Variants in TNS4 observed in about 807,000 individuals in gnomAD.
The protein encoded by TNS4 is tensin 4.
In TNS4, 46 loss-of-function variants were observed where a neutral mutation model predicts 70.4. That is an observed-to-expected ratio of 0.65 (90% CI 0.52 to 0.84). The LOEUF (loss-of-function observed/expected upper bound fraction) is 0.84, where lower values mean the gene tolerates loss of function less well. TNS4 is among the 40% of genes least tolerant of loss of function. The pLI, the probability that TNS4 is intolerant of heterozygous loss-of-function variation, is 0.00. For missense variants in TNS4, 863 were observed against 907.0 expected, an observed-to-expected ratio of 0.95 and a Z score of 0.62; for synonymous variants, 390 against 366.6, an observed-to-expected ratio of 1.06 and a Z score of -0.73.
chr17:40,480,642 G>A, intron 9 of TNS4, 58 bp downstream of exon 9: 1 of 1,447,122 alleles, frequency 6.9e-7, no homozygotes, highest in East Asian at 2.7e-5. Flanking sequence ...GTGCAGGGTT[G>A]GGAGGTGCCC....
At chr17:40,485,808 T>C (rs1436400151) in intron 4 of TNS4, among the ~76,000 whole-genome samples, 1 of 151,624 alleles carries the variant, frequency 6.6e-6, no homozygotes, top group East Asian at 1.9e-4. Context: ...TGAAAAGGAG[T>C]GTTGTGACCA....
At chr17:40,500,167 A>C (rs1326437296) in intron 1 of TNS4, among the ~76,000 whole-genome samples, 1 of 152,184 alleles carries the variant, frequency 6.6e-6, no homozygotes, top group Non-Finnish European at 1.5e-5. Flanking sequence ...ACGGTCCCAC[A>C]CTTTTAGCCT....
chr17:40,489,017 T>A, intron 2 of TNS4, 48 bp from the exon 3 acceptor site: 1 of 1,489,514 alleles, frequency 6.7e-7, no homozygotes, highest in Middle Eastern at 1.8e-4. Context: ...GAGCCTGGAC[T>A]CATAGAACAG....
At chr17:40,491,131 C>T (rs549270590) in intron 2 of TNS4, among the ~76,000 whole-genome samples, 1 of 152,320 alleles carries the variant, frequency 6.6e-6, no homozygotes, top group South Asian at 2.1e-4. Context: ...TTTTATAGGA[C>T]TTTATAGTGT....
intron 3 of TNS4, among the ~76,000 whole-genome samples, chr17:40,488,112 T>G (rs2036016127): frequency 6.6e-6 from 1 of 152,192 alleles, no homozygotes; most frequent in Admixed American, 6.5e-5. Context: ...CTGGGATGAT[T>G]GTGATTCCCA....
intron 2 of TNS4, among the ~76,000 whole-genome samples, chr17:40,493,744 G>A (rs1458360888): frequency 6.6e-6 from 1 of 152,196 alleles, no homozygotes; most frequent in Non-Finnish European, 1.5e-5. Flanking sequence ...ATCTGTGGAT[G>A]TGGACCCATG....
At chr17:40,487,538 A>G (rs1482381420) in intron 3 of TNS4, 78 bp from the exon 4 acceptor site, 2 of 1,490,312 alleles carry the variant, frequency 1.3e-6, no homozygotes, top group African/African-American at 2.8e-5. Flanking sequence ...GGATCTGGTG[A>G]TCTGGGTTCC....
chr17:40,480,993 T>C, intron 8 of TNS4: 1 of 519,028 alleles, frequency 1.9e-6, no homozygotes, highest in Non-Finnish European at 3.4e-6. Flanking sequence ...CATCCCCTCC[T>C]CGCCCCCCCA....
Position 40,482,354 on chromosome 17 carries a change from G to C in TNS4, c.1564C>G (p.Leu522Val). 1 of 1,614,170 alleles carries C rather than the reference G, an allele frequency of 6.2e-7. No homozygotes were observed. Among genetic ancestry groups the C allele is most frequent in the Non-Finnish European group, 8.5e-7 (1 of 1,180,042 alleles). ...TAGGGCTCCTCATCTGCTCCTTTGA[G>C]ATGCACTCCTTTGGCAGACGACTCG... ...LIESSAKGVH[L>V]KGADEEPYFG... The change falls in exon 7 of 13, where the codon CTC (leucine) becomes GTC (valine). Residue 522 changes from leucine to valine, a missense_variant. Transcript: ENST00000254051.
In TNS4 at chr17:40,483,452, C is replaced by T. The variant is rs542853088; in HGVS notation, c.1501+1032G>A. Among the ~76,000 whole-genome samples, 10 of 152,308 alleles carry T rather than the reference C, an allele frequency of 6.6e-5. No individual in the cohort carries two copies. The East Asian group carries it at 1.2e-3, about 18-fold the overall frequency. On this transcript the variant is annotated intron_variant, in intron 6 of 12. Coordinates refer to ENST00000254051, the MANE Select transcript of TNS4 (RefSeq NM_032865.6). ...CTGGGCTCAAGTGATCCTCCTGCCT[C>T]GGCCTCCCAAAGTGCTGGGATTACT...
At chr17:40,479,908 C>T in intron 9 of TNS4, 66 bp from the exon 10 acceptor site, 1 of 1,509,038 alleles carries the variant, frequency 6.6e-7, no homozygotes, top group Non-Finnish European at 8.9e-7. Context: ...CTGCCCAGGG[C>T]CAGGGGAGGG....
chr17:40,482,684 A>G (rs1250118298), intron 6 of TNS4, among the ~76,000 whole-genome samples: 2 of 151,878 alleles, frequency 1.3e-5, no homozygotes, highest in Non-Finnish European at 2.9e-5. Flanking sequence ...AGGCTGAGGC[A>G]GGAGAATTGC....
chr17:40,479,652 C>CA (rs778887283), intron 10 of TNS4, 22 bp downstream of exon 10: 2 of 1,606,648 alleles, frequency 1.2e-6, no homozygotes, highest in African/African-American at 2.7e-5. Context: ...CCCGGAGCCC[C>CA]AGGGCAAGGG....
At chr17:40,479,294 C>T (rs555240815) in intron 10 of TNS4, among the ~76,000 whole-genome samples, 2 of 152,130 alleles carry the variant, frequency 1.3e-5, no homozygotes, top group African/African-American at 2.4e-5. Flanking sequence ...ATTACAGGTG[C>T]GTGCCACCAT....
Position 40,479,863 on chromosome 17 carries a change from G to T in TNS4, c.1742-21C>A, listed in dbSNP as rs2290209. ...GCAGCCTGTGGGAGGCAGACACTGC[G>T]CTGGGGCCACTGACCCAGGGCCCAG... On this transcript the variant is annotated intron_variant, in intron 9 of 12. Coordinates refer to ENST00000254051, the MANE Select transcript of TNS4 (RefSeq NM_032865.6). 7,657 of 1,594,356 alleles carry T rather than the reference G, an allele frequency of 4.8e-3. 153 individuals are homozygous for T. Among genetic ancestry groups the T allele is most frequent in the East Asian group, 0.042 (1,855 of 43,976 alleles).
In TNS4 at chr17:40,477,443, C is replaced by G; in HGVS notation, c.*145G>C. 1 of 1,126,184 alleles carries G rather than the reference C, an allele frequency of 8.9e-7. No homozygotes were observed. The highest frequency in any genetic ancestry group is 1.2e-6 in the Non-Finnish European group (1 of 803,380). 69.8% of individuals were successfully genotyped at this position (1,126,184 alleles called of 1,614,324 possible). On this transcript the variant is annotated 3_prime_UTR_variant, in exon 13 of 13. Coordinates refer to ENST00000254051, the MANE Select transcript of TNS4 (RefSeq NM_032865.6). ...TGACTGCTGAAGGCCATAGCAGGTTCAAGGGTGTCAACTTGATGCCAATCC... is the reference window on the plus strand; with the variant it reads ...TGACTGCTGAAGGCCATAGCAGGTTGAAGGGTGTCAACTTGATGCCAATCC...
chr17:40,484,487 G>A lies in TNS4; in HGVS notation c.1498C>T (p.Pro500Ser). The change falls in exon 6 of 13, where the codon CCA becomes TCA. Residue 500 changes from proline to serine, a missense_variant. Coordinates refer to ENST00000254051, the MANE Select transcript of TNS4 (RefSeq NM_032865.6). ...QEVPASAQSR[P>S]GEDSNDLIRH... ...GAGCACAGAGACAGACGCATACCTG[G>A]TCGACTCTGAGCAGACGCGGGAACC... The A allele has an allele frequency of 6.2e-7, 1 of 1,610,258 alleles. No individual in the cohort carries two copies. The highest frequency in any genetic ancestry group is 8.5e-7 in the Non-Finnish European group (1 of 1,179,966).
Position 40,482,097 on chromosome 17 carries a change from C to A in TNS4, c.1672+32G>T, listed in dbSNP as rs1307592706. 3 of 1,611,374 alleles carry A rather than the reference C, an allele frequency of 1.9e-6. No individual in the cohort carries two copies. The African/African-American group carries it at 4.0e-5, about 22-fold the overall frequency. ...TAATGAGAACAAACAGGTCCCCCAC[C>A]TTGGCATTGCCTCTTTGGGGCCCAG... On this transcript the variant is annotated intron_variant, in intron 8 of 12. Transcript: ENST00000254051.
Position 40,482,301 on chromosome 17 carries a change from G to T in TNS4, c.1594+23C>A, listed in dbSNP as rs751227109. The stretch of plus-strand genomic sequence containing the variant: ...TTCGCTGGCCCCCCATCCCGGGGGA[G>T]CCTGGAGGCTGGGGAGTCTCACCAA... On this transcript the variant is annotated intron_variant, in intron 7 of 12. Coordinates refer to ENST00000254051, the MANE Select transcript of TNS4 (RefSeq NM_032865.6). 2.5e-6 allele frequency: 4 copies of T among 1,613,826 alleles called. No homozygotes were observed. The South Asian group carries it at 4.4e-5, about 18-fold the overall frequency.
Sources: allele counts gnomAD v4.1 joint callset (sites outside exome capture counted in the v4.1 genomes callset), GRCh38; gene constraint gnomAD v4.1.1; transcripts MANE v1.5; gene names NCBI Gene and HGNC (gene_info 2026-07-23, HGNC 2026-07-21).